Variants in VWC2L observed in about 807,000 individuals in gnomAD.
The protein encoded by VWC2L is von Willebrand factor C domain-containing protein 2-like.
A neutral mutation model predicts 21.6 loss-of-function variants in VWC2L; 10 were observed. The ratio of observed to expected loss-of-function variants is 0.46; its 90% CI spans 0.29 to 0.78. The LOEUF is 0.78. Among genes scored for constraint, VWC2L ranks in the 30% least tolerant of loss-of-function variants. The pLI, the probability that VWC2L is intolerant of heterozygous loss-of-function variation, is 0.10. For synonymous variants in VWC2L, 96 were observed against 94.3 expected, an observed-to-expected ratio of 1.02 and a Z score of -0.10; for missense variants, 209 against 277.1, an observed-to-expected ratio of 0.75 and a Z score of 1.74.
intron 3 of VWC2L, among the ~76,000 whole-genome samples, chr2:214,505,941 A>G (rs961585268): frequency 4.6e-5 from 7 of 152,234 alleles, no homozygotes; most frequent in African/African-American, 1.7e-4. Flanking sequence ...AGGTGAGCAC[A>G]GGGGCCAAAG....
rs141204711 is a variant in VWC2L, at chr2:214,469,914, A to C, written c.520+33156A>C. ...CATGGTTGTAAAGAATGGTGATGGA[A>C]ATTATTTTCCCTATGTATCAGCATT... is the stretch of plus-strand genomic sequence containing the variant. On this transcript the variant is annotated intron_variant, in intron 3 of 3. Transcript: ENST00000312504. Among the ~76,000 whole-genome samples, 27 of 152,324 alleles carry C rather than the reference A, an allele frequency of 1.8e-4. No individual in the cohort carries two copies. In the East Asian group the frequency reaches 5.2e-3, roughly 29 times the overall value.
At chr2:214,551,119 A>T (rs1027113013) in intron 3 of VWC2L, among the ~76,000 whole-genome samples, 2 of 152,226 alleles carry the variant, frequency 1.3e-5, no homozygotes, top group Non-Finnish European at 2.9e-5. Flanking sequence ...AAAGAAAAAG[A>T]TAGTTAAATG....
intron 3 of VWC2L, among the ~76,000 whole-genome samples, chr2:214,449,308 G>A (rs969706889): frequency 7.9e-5 from 12 of 152,132 alleles, no homozygotes; most frequent in African/African-American, 2.9e-4. Flanking sequence ...AGCATAGGGG[G>A]TTGATTGGAC....
At chr2:214,553,309 C>T (rs1689823732) in intron 3 of VWC2L, among the ~76,000 whole-genome samples, 1 of 152,202 alleles carries the variant, frequency 6.6e-6, no homozygotes, top group Admixed American at 6.5e-5. Flanking sequence ...GACACAGCCC[C>T]AGGGGATCAT....
At chr2:214,550,060 T>C (rs1405905133) in intron 3 of VWC2L, among the ~76,000 whole-genome samples, 1 of 152,212 alleles carries the variant, frequency 6.6e-6, no homozygotes, top group Non-Finnish European at 1.5e-5. Flanking sequence ...ATTTTTAAAG[T>C]GGCTAATGCA....
At position 214,450,368 on chromosome 2, in the gene VWC2L, GTGACCCTT is replaced by G. The variant is rs562470666; in HGVS notation, c.520+13611_520+13618del. Among the ~76,000 whole-genome samples the G allele has an allele frequency of 1.9e-3, 293 of 152,238 alleles. 1 individual carries two copies. Among genetic ancestry groups the G allele is most frequent in the Middle Eastern group, 0.014 (4 of 294 alleles). Reference sequence around the variant, plus strand: ...AAAAGCTGTTCAACCCATCACTATGGTGACCCTTCTAGCCTATCACAGTATGTGTCTAA... The same window carrying G: ...AAAAGCTGTTCAACCCATCACTATGGCTAGCCTATCACAGTATGTGTCTAA... On this transcript the variant is annotated intron_variant, in intron 3 of 3. Transcript: ENST00000312504.
At chr2:214,419,990 T>G (rs1054305681) in intron 2 of VWC2L, among the ~76,000 whole-genome samples, 6 of 151,694 alleles carry the variant, frequency 4.0e-5, no homozygotes, top group Non-Finnish European at 7.4e-5. Flanking sequence ...ACCTGGGAGG[T>G]GGAGGCTGCA....
intron 3 of VWC2L, among the ~76,000 whole-genome samples, chr2:214,549,812 G>A (rs924645804): frequency 4.6e-5 from 7 of 152,146 alleles, no homozygotes; most frequent in African/African-American, 1.4e-4. Context: ...GTTGGCCTAG[G>A]CATATATTTA....
At position 214,442,087 on chromosome 2, in the gene VWC2L, T is replaced by C. The variant is rs1487959739; in HGVS notation, c.520+5329T>C. On this transcript the variant is annotated intron_variant, in intron 3 of 3. Coordinates refer to ENST00000312504, the MANE Select transcript of VWC2L (RefSeq NM_001080500.4). Reference sequence around the variant, plus strand: ...CCACCACACCCGGCTAATTTTTGTATTTTTAGTAGAGACGGGGTTTCACTG... The same window carrying C: ...CCACCACACCCGGCTAATTTTTGTACTTTTAGTAGAGACGGGGTTTCACTG... Among the ~76,000 whole-genome samples the C allele has an allele frequency of 2.0e-5, 3 of 152,022 alleles. No homozygotes were observed. The East Asian group carries it at 5.8e-4, about 29-fold the overall frequency.
chr2:214,549,024 C>T (rs1689752335), intron 3 of VWC2L, among the ~76,000 whole-genome samples: 1 of 152,164 alleles, frequency 6.6e-6, no homozygotes, highest in Non-Finnish European at 1.5e-5. Flanking sequence ...TCTGGAGGCT[C>T]CAAGAAATCT....
At chr2:214,499,421 A>G (rs943470641) in intron 3 of VWC2L, among the ~76,000 whole-genome samples, 1 of 150,836 alleles carries the variant, frequency 6.6e-6, no homozygotes, top group Admixed American at 6.6e-5. Flanking sequence ...AACACTTGAA[A>G]CAGACATATT....
At chr2:214,506,278 T>A (rs1688966813) in intron 3 of VWC2L, among the ~76,000 whole-genome samples, 1 of 152,154 alleles carries the variant, frequency 6.6e-6, no homozygotes, top group Admixed American at 6.5e-5. Context: ...TTTGAAAAGC[T>A]TTTATAGATC....
intron 3 of VWC2L, among the ~76,000 whole-genome samples, chr2:214,481,157 T>G (rs1272521224): frequency 6.6e-6 from 1 of 152,160 alleles, no homozygotes; most frequent in Non-Finnish European, 1.5e-5. Context: ...TGACTCTGCT[T>G]TTCCCATTAA....
intron 3 of VWC2L, among the ~76,000 whole-genome samples, chr2:214,516,636 G>C (rs1689147833): frequency 6.8e-6 from 1 of 146,590 alleles, no homozygotes; most frequent in African/African-American, 2.5e-5. Flanking sequence ...TGTGCTGCCA[G>C]AGAAACAGCC....
intron 3 of VWC2L, among the ~76,000 whole-genome samples, chr2:214,508,708 C>T (rs146389271): frequency 1.3e-5 from 2 of 152,186 alleles, no homozygotes; most frequent in African/African-American, 4.8e-5. Context: ...ATTTTAAATT[C>T]CAAGGGCTCC....
chr2:214,498,641 GTATATT>G (rs1478049529), intron 3 of VWC2L, among the ~76,000 whole-genome samples: 6 of 149,246 alleles, frequency 4.0e-5, no homozygotes, highest in East Asian at 2.0e-4. Context: ...ATCTCTATAT[GTATATT>G]TATATGTATA....
intron 3 of VWC2L, among the ~76,000 whole-genome samples, chr2:214,452,506 T>C (rs901994901): frequency 2.0e-5 from 3 of 152,218 alleles, no homozygotes; most frequent in Non-Finnish European, 4.4e-5. Context: ...TGTTCACTTG[T>C]TGATGGACAT....
At position 214,440,347 on chromosome 2, in the gene VWC2L, G is replaced by A. The variant is rs151236018; in HGVS notation, c.520+3589G>A. 3.4e-4 allele frequency among the ~76,000 whole-genome samples: 52 copies of A among 152,002 alleles called. 1 individual carries two copies. In the East Asian group the frequency reaches 9.6e-3, roughly 28 times the overall value. On this transcript the variant is annotated intron_variant, in intron 3 of 3. Coordinates refer to ENST00000312504, the MANE Select transcript of VWC2L (RefSeq NM_001080500.4). The stretch of plus-strand genomic sequence containing the variant: ...CATTTATTTCTCTTTCCTTTACACA[G>A]CTCCAAGAACTAGCAATACAAATGC...
intron 3 of VWC2L, among the ~76,000 whole-genome samples, chr2:214,497,669 T>C (rs371619358): frequency 1.1e-3 from 171 of 152,322 alleles, no homozygotes; most frequent in Non-Finnish European, 1.5e-3. Flanking sequence ...TTATCAGTGT[T>C]TCTCTAAATG....
Sources: allele counts gnomAD v4.1 joint callset (sites outside exome capture counted in the v4.1 genomes callset), GRCh38; gene constraint gnomAD v4.1.1; transcripts MANE v1.5; gene names NCBI Gene and HGNC (gene_info 2026-07-23, HGNC 2026-07-21).